TOGARAM1: variants seen among roughly 807,000 people sequenced by gnomAD.
TOGARAM1 encodes the protein TOG array regulator of axonemal microtubules 1, also known as TOG array regulator of axonemal microtubules protein 1.
TOGARAM1 carries 100 observed loss-of-function variants against 166.6 expected under a neutral mutation model. That is an observed-to-expected ratio of 0.60 (90% confidence interval 0.51 to 0.71). The LOEUF (loss-of-function observed/expected upper bound fraction) is 0.71, where lower values mean the gene tolerates loss of function less well. TOGARAM1 is among the 30% of genes least tolerant of loss of function. The probability of loss-of-function intolerance (pLI) is 0.00; values close to 1 mark genes in which losing one functional copy is unlikely to be tolerated. For missense variants in TOGARAM1, 2,029 were observed against 2,102.7 expected (o/e 0.96, Z 0.69); for synonymous variants, 758 against 763.8 (o/e 0.99, Z 0.13).
At chr14:45,046,836 G>T in intron 14 of TOGARAM1, 133 bp downstream of exon 14, 3 of 698,276 alleles carry the variant, frequency 4.3e-6, no homozygotes, top group Non-Finnish European at 6.1e-6. Flanking sequence ...GCTGGGGGAT[G>T]GTCTTATTTA....
At chr14:44,970,357 GA>G (rs1397695385) in intron 1 of TOGARAM1, among the ~76,000 whole-genome samples, 1 of 152,100 alleles carries the variant, frequency 6.6e-6, no homozygotes, top group African/African-American at 2.4e-5. Context: ...TGGTATAGAG[GA>G]AAATGCTTGA....
intron 8 of TOGARAM1, among the ~76,000 whole-genome samples, chr14:45,026,922 T>G (rs1880881852): frequency 6.6e-6 from 1 of 151,818 alleles, no homozygotes; most frequent in Non-Finnish European, 1.5e-5. Flanking sequence ...GTGGGAAAAT[T>G]GCTTCAGCTT....
chr14:44,969,380 C>T (rs1018820276), intron 1 of TOGARAM1, among the ~76,000 whole-genome samples: 7 of 151,794 alleles, frequency 4.6e-5, no homozygotes, highest in African/African-American at 1.5e-4. Context: ...CTTGAACTCC[C>T]GGACTCAAGC....
At position 45,004,139 on chromosome 14, in the gene TOGARAM1, A is replaced by G; in HGVS notation, c.2417A>G (p.Gln806Arg). 4 of 1,614,132 alleles carry G rather than the reference A, an allele frequency of 2.5e-6. No individual in the cohort carries two copies. The highest frequency in any genetic ancestry group is 3.4e-6 in the Non-Finnish European group (4 of 1,180,006). The change falls in exon 4 of 20, where the codon CAA becomes CGA. Residue 806 changes from glutamine to arginine, a missense_variant. This residue lies in a region of TOGARAM1 where 1,453 missense variants were observed against 1,432.2 expected (regional missense o/e 1.01). Transcript: ENST00000361462. ...SQTECTSSNG[Q>R]NPSPGAYILP... ...ACAGAGTGTACTTCCTCAAATGGTC[A>G]AAATCCAAGTCCAGGAGCTTACATC... is the stretch of plus-strand genomic sequence containing the variant.
intron 11 of TOGARAM1, among the ~76,000 whole-genome samples, chr14:45,034,641 T>G (rs1242098064): frequency 6.6e-6 from 1 of 152,008 alleles, no homozygotes; most frequent in Non-Finnish European, 1.5e-5. Flanking sequence ...ATACTCAGAG[T>G]TTTGCTCCAT....
At chr14:45,030,089 G>A (rs187946051) in intron 10 of TOGARAM1, among the ~76,000 whole-genome samples, 91 of 152,100 alleles carry the variant, frequency 6.0e-4, no homozygotes, top group Non-Finnish European at 8.1e-4. Flanking sequence ...CAGAATGCTG[G>A]GATTACAGGT....
At chr14:45,055,775 G>T (rs1236351811) in intron 16 of TOGARAM1, among the ~76,000 whole-genome samples, 1 of 138,168 alleles carries the variant, frequency 7.2e-6, no homozygotes, top group African/African-American at 2.8e-5. Flanking sequence ...TTGGATTCCA[G>T]CCTGGGCAGA....
chr14:45,024,456 G>A (rs1880708741), intron 7 of TOGARAM1, among the ~76,000 whole-genome samples: 1 of 152,074 alleles, frequency 6.6e-6, no homozygotes, highest in Non-Finnish European at 1.5e-5. Flanking sequence ...AAAATATAGT[G>A]TAAAACATAA....
chr14:45,028,418 T>C lies in TOGARAM1; in HGVS notation c.3658+89T>C, dbSNP rs896894986. 21 of 1,339,282 alleles carry C rather than the reference T, an allele frequency of 1.6e-5. No homozygotes were observed. In the African/African-American group the frequency reaches 3.0e-4, roughly 19 times the overall value. 83.0% of individuals were successfully genotyped at this position (1,339,282 alleles called of 1,614,324 possible). A position where few individuals can be genotyped will look rare whatever the true frequency, so the allele number is the denominator to read the frequency against. ...GGTTTCACTGAGGGTAATATATGAC[T>C]AAGAATGAAATATCTTATATAACAC... On this transcript the variant is annotated intron_variant, in intron 10 of 19. Transcript: ENST00000361462.
At chr14:44,998,142 A>G (rs79726173) in intron 2 of TOGARAM1, among the ~76,000 whole-genome samples, 5,394 of 152,320 alleles carry the variant, frequency 0.035, 117 homozygotes, top group Non-Finnish European at 0.053. Flanking sequence ...TGGCATAATG[A>G]CTGCATAGTT....
chr14:45,043,201 G>A (rs1021815528), intron 11 of TOGARAM1, among the ~76,000 whole-genome samples: 3 of 151,230 alleles, frequency 2.0e-5, no homozygotes, highest in African/African-American at 7.3e-5. Context: ...TCTTTGAGAC[G>A]GAGTCTTGCT....
intron 18 of TOGARAM1, among the ~76,000 whole-genome samples, chr14:45,068,940 A>G (rs190687926): frequency 4.6e-5 from 7 of 152,134 alleles, no homozygotes; most frequent in Non-Finnish European, 7.4e-5. Context: ...CAGAAATAAA[A>G]TAAAGAAAAA....
At chr14:45,050,901 C>T (rs540774950) in intron 14 of TOGARAM1, among the ~76,000 whole-genome samples, 1 of 152,346 alleles carries the variant, frequency 6.6e-6, no homozygotes, top group Admixed American at 6.5e-5. Flanking sequence ...AGGTGTGAGC[C>T]ACCACGCCCA....
chr14:44,968,853 A>G (rs1390860706), intron 1 of TOGARAM1, among the ~76,000 whole-genome samples: 1 of 152,160 alleles, frequency 6.6e-6, no homozygotes, highest in Non-Finnish European at 1.5e-5. Context: ...ATCCACCATT[A>G]TAGTATCATA....
chr14:44,983,849 G>A (rs1046070941), intron 1 of TOGARAM1, among the ~76,000 whole-genome samples: 14 of 152,002 alleles, frequency 9.2e-5, no homozygotes, highest in Admixed American at 2.0e-4. Flanking sequence ...AATCATAAAC[G>A]ACACAAAAGC....
chr14:45,005,878 G>A (rs1222279080), intron 4 of TOGARAM1, 130 bp from the exon 5 acceptor site: 3 of 636,096 alleles, frequency 4.7e-6, no homozygotes, highest in Non-Finnish European at 7.5e-6. Context: ...TATTCAGCTT[G>A]TTCTCCCCAG....
In TOGARAM1 at chr14:45,044,869, A is replaced by G. The variant is rs1881908869; in HGVS notation, c.4153A>G (p.Ser1385Gly). ...TGTTTCTCTTATCAATGGTGGACAA[A>G]GGTAATGTTCAAAATAACCTTGAAA... ...AVVSLINGGQSHLHIAVRRCT... is the reference protein window; with the variant it reads ...AVVSLINGGQGHLHIAVRRCT... Residue 1385 changes from serine (S) to glycine (G), a missense_variant and splice_region_variant, in exon 13 of 20, where the codon AGC becomes GGC. Ser to Gly is a moderately conservative substitution (Grantham distance 56). Transcript: ENST00000361462. 1 of 1,604,344 alleles carries G rather than the reference A, an allele frequency of 6.2e-7. No individual in the cohort carries two copies. The highest frequency in any genetic ancestry group is 1.1e-5 in the South Asian group (1 of 89,924).
intron 1 of TOGARAM1, among the ~76,000 whole-genome samples, chr14:44,977,017 A>G (rs1466069549): frequency 7.9e-5 from 12 of 152,172 alleles, no homozygotes; most frequent in Admixed American, 5.9e-4. Context: ...TTAAGTATAC[A>G]ATTATGTTAA....
chr14:44,967,488 CTTAAA>C (rs1320217761), intron 1 of TOGARAM1, among the ~76,000 whole-genome samples: 2 of 152,130 alleles, frequency 1.3e-5, no homozygotes, highest in South Asian at 2.1e-4. Flanking sequence ...TCAAACTTTT[CTTAAA>C]TTAAGTCTTT....
Sources: gnomAD v4.1 joint callset for allele counts (sites outside exome capture counted in the v4.1 genomes callset) on GRCh38, gnomAD v4.1.1 for gene constraint, gnomAD v4.1.1 regional missense constraint, MANE v1.5 for transcripts, NCBI Gene and HGNC (gene_info 2026-07-23, HGNC 2026-07-21) for gene names.